RIPK1: variants seen among roughly 807,000 people sequenced by gnomAD.
RIPK1 encodes receptor interacting serine/threonine kinase 1, also known as receptor-interacting serine/threonine-protein kinase 1.
In RIPK1, 27 loss-of-function variants were observed where a neutral mutation model predicts 62.4. The observed-to-expected ratio is 0.43, with a 90% CI of 0.32 to 0.60. The LOEUF (loss-of-function observed/expected upper bound fraction) is 0.60. Among genes scored for constraint, RIPK1 ranks in the 20% least tolerant of loss-of-function variants. The pLI is 0.07. For missense variants in RIPK1, 735 were observed against 831.0 expected, an observed-to-expected ratio of 0.88 and a Z score of 1.42; for synonymous variants, 287 against 303.2, an observed-to-expected ratio of 0.95 and a Z score of 0.55.
In RIPK1 at chr6:3,083,161, T is replaced by G; in HGVS notation, c.536T>G (p.Val179Gly). ...NNEEHNELRE[V>G]DGTAKKNGGT... Reference sequence around the variant, plus strand: ...GAAGAGCACAATGAGCTGAGGGAAGTGGACGGCACCGCTAAGAAGAATGGC... The same window carrying G: ...GAAGAGCACAATGAGCTGAGGGAAGGGGACGGCACCGCTAAGAAGAATGGC... Residue 179 changes from valine (V) to glycine (G), a missense_variant, in exon 5 of 11, where the codon GTG becomes GGG. This residue lies in a region of RIPK1 where 671 missense variants were observed against 726.2 expected (regional missense o/e 0.92). Transcript: ENST00000259808. 1 of 1,614,026 alleles carries G rather than the reference T, an allele frequency of 6.2e-7. No individual in the cohort carries two copies. Among genetic ancestry groups the G allele is most frequent in the Non-Finnish European group, 8.5e-7 (1 of 1,179,978 alleles).
chr6:3,113,650 A>C lies in RIPK1; in HGVS notation c.*311A>C. 1 of 286,226 alleles carries C rather than the reference A, an allele frequency of 3.5e-6. No homozygotes were observed. Among genetic ancestry groups the C allele is most frequent in the Non-Finnish European group, 6.6e-6 (1 of 151,426 alleles). The allele number at this position is 286,226 out of a possible 1,614,324, so 17.7% of individuals were successfully genotyped here. On this transcript the variant is annotated 3_prime_UTR_variant, in exon 11 of 11. Coordinates refer to ENST00000259808, the MANE Select transcript of RIPK1 (RefSeq NM_001354930.2). This position sits in a 1 kb window ranked among gnomAD's most constrained non-coding sequence, Gnocchi z 5.0. The stretch of plus-strand genomic sequence containing the variant: ...AACAATCCGCTCTGAGGAAAGCGTA[A>C]GCAGGAAGACCTCTTAATGGCATAG...
upstream of RIPK1, among the ~76,000 whole-genome samples, chr6:3,065,840 T>C (rs1235314764): frequency 3.3e-5 from 5 of 152,334 alleles, no homozygotes; most frequent in East Asian, 7.7e-4. Flanking sequence ...TCTACACTCA[T>C]GGCTTTTGCT....
intron 3 of RIPK1, among the ~76,000 whole-genome samples, chr6:3,079,979 G>T (rs553662239): frequency 6.6e-6 from 1 of 152,288 alleles, no homozygotes; most frequent in East Asian, 1.9e-4. Flanking sequence ...GCATCAGGAG[G>T]ACCTGAGAGA....
intron 1 of RIPK1, among the ~76,000 whole-genome samples, chr6:3,073,070 A>G (rs1758823718): frequency 6.6e-6 from 1 of 152,164 alleles, no homozygotes; most frequent in African/African-American, 2.4e-5. Context: ...AGAGACATAA[A>G]GCAGGCAACA....
chr6:3,082,762 A>G (rs1057134399), intron 4 of RIPK1, among the ~76,000 whole-genome samples: 5 of 152,342 alleles, frequency 3.3e-5, no homozygotes, highest in African/African-American at 1.2e-4. Context: ...CGCAGAGTCA[A>G]TGGGGAATGA....
chr6:3,076,239 G>C (rs1759040062), intron 1 of RIPK1, among the ~76,000 whole-genome samples: 1 of 152,138 alleles, frequency 6.6e-6, no homozygotes, highest in Admixed American at 6.5e-5. Context: ...AAATAAAAAG[G>C]CTGAGGGAAT....
chr6:3,113,884 C>G lies in RIPK1; in HGVS notation c.*545C>G, dbSNP rs1431983682. On this transcript the variant is annotated 3_prime_UTR_variant, in exon 11 of 11. Transcript: ENST00000259808. This position sits in a 1 kb window ranked among gnomAD's most constrained non-coding sequence, Gnocchi z 5.0. ...AAACAAAGTGCAGTCAGATTCTAAG[C>G]CCTGTTCAGAGACTTCGTGGATCAC... is the stretch of plus-strand genomic sequence containing the variant. The G allele has an allele frequency of 6.5e-6, 1 of 152,700 alleles. No individual in the cohort carries two copies. Among genetic ancestry groups the G allele is most frequent in the Non-Finnish European group, 1.5e-5 (1 of 68,392 alleles). 9.5% of individuals were successfully genotyped at this position (152,700 alleles called of 1,614,324 possible).
chr6:3,103,523 AAC>A (rs1289699342), intron 7 of RIPK1, among the ~76,000 whole-genome samples: 114 of 152,250 alleles, frequency 7.5e-4, no homozygotes, highest in African/African-American at 2.7e-3. Flanking sequence ...GCAGGTCTCG[AAC>A]TCCTGACCTC....
In RIPK1 at chr6:3,068,646, C is replaced by A. The variant is rs1335551708; in HGVS notation, c.-76C>A. On this transcript the variant is annotated 5_prime_UTR_variant, in exon 1 of 11. Coordinates refer to ENST00000259808, the MANE Select transcript of RIPK1 (RefSeq NM_001354930.2). ...GCAGGACTTGGCTGGACGGCGCGGC[C>A]ACGGAGAAGGGCGCGGTGAGCGGAC... 2.0e-6 allele frequency: 2 copies of A among 985,188 alleles called. No individual in the cohort carries two copies. Among genetic ancestry groups the A allele is most frequent in the African/African-American group, 3.5e-5 (2 of 57,200 alleles). The allele number at this position is 985,188 out of a possible 1,614,324, so 61.0% of individuals were successfully genotyped here.
At chr6:3,073,634 C>T (rs1224456632) in intron 1 of RIPK1, among the ~76,000 whole-genome samples, 4 of 152,048 alleles carry the variant, frequency 2.6e-5, no homozygotes, top group Non-Finnish European at 4.4e-5. Context: ...TGTCTTATGT[C>T]CTAGGAAAGA....
chr6:3,072,923 A>G lies in RIPK1; in HGVS notation c.-60-3841A>G, dbSNP rs1445352192. On this transcript the variant is annotated intron_variant, in intron 1 of 10. Transcript: ENST00000259808. This position sits in a 1 kb window ranked among gnomAD's most constrained non-coding sequence, Gnocchi z 5.6. ...ATGCCCTCTGTCTCCACCCGCTCCTACCTCATTCTCACTAGGATTGGTCAG... is the reference window on the plus strand; with the variant it reads ...ATGCCCTCTGTCTCCACCCGCTCCTGCCTCATTCTCACTAGGATTGGTCAG... 6.6e-6 allele frequency among the ~76,000 whole-genome samples: 1 copy of G among 152,016 alleles called. No individual in the cohort carries two copies. Among genetic ancestry groups the G allele is most frequent in the Non-Finnish European group, 1.5e-5 (1 of 68,000 alleles).
intron 1 of RIPK1, among the ~76,000 whole-genome samples, chr6:3,073,175 T>G (rs899643294): frequency 1.3e-5 from 2 of 151,704 alleles, no homozygotes; most frequent in African/African-American, 4.8e-5. Context: ...TAGCTATATA[T>G]CTACATATAC....
At position 3,094,048 on chromosome 6, in the gene RIPK1, GCGCCTACC is replaced by G. The variant is rs1278012744; in HGVS notation, c.915+4392_915+4399del. ...ACCTGCCGCACCTAGTAACTGCAGC[GCGCCTACC>G]TGCCGCACCTAGTAACTGCAGCGCG... On this transcript the variant is annotated intron_variant, in intron 7 of 10. Transcript: ENST00000259808. Among the ~76,000 whole-genome samples the G allele has an allele frequency of 6.8e-3, 959 of 141,920 alleles. 108 individuals carry two copies. The highest frequency in any genetic ancestry group is 0.026 in the African/African-American group (906 of 34,776). 93.1% of individuals were successfully genotyped at this position (141,920 alleles called of 152,430 possible).
rs140144825 is a variant in RIPK1, at chr6:3,073,893, G to A, written c.-60-2871G>A. On this transcript the variant is annotated intron_variant, in intron 1 of 10. Transcript: ENST00000259808. The stretch of plus-strand genomic sequence containing the variant: ...GAAGGTTACGTCCACCACGACTATC[G>A]TCTTAACACCGCTTGCTTCATCGTG... Among the ~76,000 whole-genome samples the A allele has an allele frequency of 7.3e-4, 111 of 152,270 alleles. 2 individuals carry two copies. Among genetic ancestry groups the A allele is most frequent in the Middle Eastern group, 6.8e-3 (2 of 294 alleles).
At chr6:3,065,059 T>C (rs889943688), upstream of RIPK1, among the ~76,000 whole-genome samples, 18 of 151,274 alleles carry the variant, frequency 1.2e-4, no homozygotes, top group African/African-American at 3.4e-4. Context: ...TGGCTAACAC[T>C]GTGAAACCCC....
intron 10 of RIPK1, among the ~76,000 whole-genome samples, chr6:3,111,168 G>A (rs1371253988): frequency 1.3e-5 from 2 of 152,070 alleles, no homozygotes; most frequent in Non-Finnish European, 2.9e-5. Context: ...TTATGGATTT[G>A]TTGTGAAAAT....
intron 5 of RIPK1, 30 bp downstream of exon 5, chr6:3,083,343 C>CCCCTCAGCATCTACACG (rs1759519004): frequency 6.4e-7 from 1 of 1,564,852 alleles, no homozygotes; most frequent in African/African-American, 1.4e-5. Context: ...CCACTGCCGT[C>CCCCTCAGCATCTACACG]CCCTCAGCAT....
intron 6 of RIPK1, 31 bp from the exon 7 acceptor site, chr6:3,089,550 A>C: frequency 9.9e-7 from 1 of 1,010,172 alleles, no homozygotes; most frequent in Non-Finnish European, 1.5e-6. Context: ...GAAAATAATT[A>C]AGAAATTTAA....
upstream of RIPK1, among the ~76,000 whole-genome samples, chr6:3,064,519 C>T (rs575692069): frequency 2.0e-5 from 3 of 152,344 alleles, no homozygotes; most frequent in East Asian, 1.9e-4. Context: ...GCCCTTCCTT[C>T]CCCGGAGCAC....
Sources: allele counts gnomAD v4.1 joint callset (sites outside exome capture counted in the v4.1 genomes callset), GRCh38; gene constraint gnomAD v4.1.1; regional missense constraint gnomAD v4.1.1; non-coding constraint Gnocchi (gnomAD v3.1); transcripts MANE v1.5; gene names NCBI Gene and HGNC (gene_info 2026-07-23, HGNC 2026-07-21).